PPARGC1A: variants seen among roughly 807,000 people sequenced by gnomAD.
PPARGC1A encodes the protein PPARG coactivator 1 alpha.
A neutral mutation model predicts 88.7 loss-of-function variants in PPARGC1A; 25 were observed. That is an observed-to-expected ratio of 0.28 (90% CI 0.21 to 0.39). The LOEUF is 0.39. PPARGC1A is among the 10% of genes least tolerant of loss of function. PPARGC1A has a pLI of 1.00. For missense variants in PPARGC1A, 880 were observed against 968.7 expected, an observed-to-expected ratio of 0.91 and a Z score of 1.22; for synonymous variants, 363 against 355.6, an observed-to-expected ratio of 1.02 and a Z score of -0.24.
chr4:24,024,399 C>G, the PPARGC1A span, among the ~76,000 whole-genome samples: 1 of 152,198 alleles, frequency 6.6e-6, no homozygotes, highest in Non-Finnish European at 1.5e-5. Context: ...ACTACATCAG[C>G]AGTCAGTTCT....
At chr4:24,333,662 G>A in the PPARGC1A span, among the ~76,000 whole-genome samples, 14 of 151,768 alleles carry the variant, frequency 9.2e-5, no homozygotes, top group South Asian at 2.1e-4. Context: ...GGCGGTGTGC[G>A]GTGGCTCACA....
At chr4:24,463,167 T>TG in the PPARGC1A span, among the ~76,000 whole-genome samples, 1 of 152,182 alleles carries the variant, frequency 6.6e-6, no homozygotes, top group Non-Finnish European at 1.5e-5. Context: ...GACTAAATCG[T>TG]GGGATCTAAA....
At chr4:23,942,156 AC>A in the PPARGC1A span, among the ~76,000 whole-genome samples, 2 of 152,106 alleles carry the variant, frequency 1.3e-5, no homozygotes, top group Non-Finnish European at 2.9e-5. Flanking sequence ...TTCACATTTC[AC>A]CTCTTGGCAG....
the PPARGC1A span, among the ~76,000 whole-genome samples, chr4:24,367,592 C>G: frequency 6.6e-6 from 1 of 152,070 alleles, no homozygotes; most frequent in East Asian, 1.9e-4. Context: ...TTAGGAGGAA[C>G]AGTGGGAAGA....
the PPARGC1A span, among the ~76,000 whole-genome samples, chr4:24,223,549 C>T: frequency 2.0e-5 from 3 of 152,248 alleles, no homozygotes; most frequent in East Asian, 5.8e-4. Context: ...TGCGCCTGGC[C>T]CTTCTTTGGA....
chr4:24,175,363 T>TC, the PPARGC1A span, among the ~76,000 whole-genome samples: 860 of 148,798 alleles, frequency 5.8e-3, 24 homozygotes, highest in East Asian at 0.089. Flanking sequence ...TTTTTTTTTT[T>TC]CTCTTTGTTT....
chr4:24,151,051 G>C, the PPARGC1A span, among the ~76,000 whole-genome samples: 10 of 152,272 alleles, frequency 6.6e-5, no homozygotes, highest in South Asian at 2.1e-3. Context: ...TGAAGTTTCT[G>C]CTATAATCCC....
chr4:24,321,994 G>A, the PPARGC1A span, among the ~76,000 whole-genome samples: 1 of 152,184 alleles, frequency 6.6e-6, no homozygotes, highest in Non-Finnish European at 1.5e-5. Flanking sequence ...TTCTAAAATA[G>A]ATCATGGATT....
the PPARGC1A span, among the ~76,000 whole-genome samples, chr4:24,102,180 T>C: frequency 6.6e-6 from 1 of 152,234 alleles, no homozygotes. Context: ...TGGGTGCCAC[T>C]AAAACAAGAG....
At chr4:24,048,536 A>G in the PPARGC1A span, among the ~76,000 whole-genome samples, 380 of 152,296 alleles carry the variant, frequency 2.5e-3, 2 homozygotes, top group African/African-American at 8.9e-3. Context: ...CTCAAGAATG[A>G]TGAATGTAAG....
intron 2 of PPARGC1A, chr4:23,881,436 A>G (rs1715916915): frequency 6.6e-6 from 1 of 152,216 alleles, no homozygotes; most frequent in African/African-American, 2.4e-5. Flanking sequence ...CCCTTTCTCA[A>G]ATTGTGACAT....
chr4:24,472,704 G>A, the PPARGC1A span, among the ~76,000 whole-genome samples: 1 of 151,368 alleles, frequency 6.6e-6, no homozygotes. This position sits in a 1 kb window ranked among gnomAD's most constrained non-coding sequence, Gnocchi z 4.5. Context: ...GCCTTCTCAA[G>A]ACGGTACCTA....
At chr4:23,954,505 G>T in the PPARGC1A span, among the ~76,000 whole-genome samples, 1 of 151,966 alleles carries the variant, frequency 6.6e-6, no homozygotes, top group Non-Finnish European at 1.5e-5. Flanking sequence ...ACATTTAAAA[G>T]TTTAATGTGA....
intron 2 of PPARGC1A, among the ~76,000 whole-genome samples, chr4:23,869,953 G>A (rs1577587862): frequency 6.6e-6 from 1 of 152,224 alleles, no homozygotes; most frequent in Non-Finnish European, 1.5e-5. Context: ...AGAATCCAGT[G>A]GTCTCTTTAT....
At chr4:24,159,729 T>C in the PPARGC1A span, among the ~76,000 whole-genome samples, 2 of 152,220 alleles carry the variant, frequency 1.3e-5, no homozygotes, top group African/African-American at 4.8e-5. Flanking sequence ...TCTGTGAGTT[T>C]ACATGTGCCT....
chr4:24,019,431 A>G, the PPARGC1A span, among the ~76,000 whole-genome samples: 53 of 152,186 alleles, frequency 3.5e-4, no homozygotes, highest in Non-Finnish European at 7.1e-4. Context: ...AGGAAGTACT[A>G]TTTCTAGATC....
the PPARGC1A span, among the ~76,000 whole-genome samples, chr4:24,123,691 T>A: frequency 4.3e-4 from 66 of 152,120 alleles, no homozygotes; most frequent in South Asian, 0.012. Flanking sequence ...ACAGATGCAA[T>A]TTTTTTAGCC....
chr4:24,388,142 A>C, the PPARGC1A span, among the ~76,000 whole-genome samples: 4 of 54,898 alleles, frequency 7.3e-5, no homozygotes, highest in East Asian at 2.9e-3. Context: ...CAAATCTACA[A>C]GAAAAAAAAA....
chr4:23,823,386 G>A (rs950505737), intron 7 of PPARGC1A, among the ~76,000 whole-genome samples: 4 of 151,730 alleles, frequency 2.6e-5, no homozygotes, highest in Admixed American at 2.6e-4. Context: ...TAAGCTTAAG[G>A]TAAAGATCTC....
Sources: allele counts gnomAD v4.1 joint callset (sites outside exome capture counted in the v4.1 genomes callset), GRCh38; gene constraint gnomAD v4.1.1; non-coding constraint Gnocchi (gnomAD v3.1); transcripts MANE v1.5; gene names NCBI Gene and HGNC (gene_info 2026-07-23, HGNC 2026-07-21).